Variants in ZFAND6 observed in about 807,000 individuals in gnomAD.
The protein encoded by ZFAND6 is AN1-type zinc finger protein 6.
ZFAND6 carries 12 observed loss-of-function variants against 24.5 expected under a neutral mutation model. The ratio of observed to expected loss-of-function variants is 0.49; its 90% CI spans 0.31 to 0.79. The LOEUF is 0.79. Ranked by LOEUF, ZFAND6 falls within the 30% of genes least tolerant of loss-of-function variation. The probability of loss-of-function intolerance (pLI) is 0.04; values close to 1 mark genes in which losing one functional copy is unlikely to be tolerated. For missense variants in ZFAND6, 207 were observed against 245.9 expected, an observed-to-expected ratio of 0.84 and a Z score of 1.06; for synonymous variants, 92 against 81.5, an observed-to-expected ratio of 1.13 and a Z score of -0.69.
chr15:80,133,070 A>T (rs1307902497), intron 6 of ZFAND6, among the ~76,000 whole-genome samples: 1 of 151,950 alleles, frequency 6.6e-6, no homozygotes, highest in African/African-American at 2.4e-5. Flanking sequence ...TGGGTGCAGG[A>T]TTGCTATAAA....
intron 5 of ZFAND6, among the ~76,000 whole-genome samples, chr15:80,124,654 T>A (rs938060908): frequency 1.3e-5 from 2 of 152,210 alleles, no homozygotes; most frequent in African/African-American, 4.8e-5. Flanking sequence ...CCTGAGTATA[T>A]CACTTCAAAA....
chr15:80,099,170 C>A (rs1261037352), intron 2 of ZFAND6, among the ~76,000 whole-genome samples: 1 of 151,846 alleles, frequency 6.6e-6, no homozygotes, highest in African/African-American at 2.4e-5. Context: ...ATAGAAATGC[C>A]TATGGAAGAA....
At chr15:80,092,980 A>T (rs192975647) in intron 1 of ZFAND6, among the ~76,000 whole-genome samples, 35 of 149,064 alleles carry the variant, frequency 2.3e-4, no homozygotes, top group Admixed American at 2.0e-3. Context: ...TTTGAGACAG[A>T]GTGTCGCTCT....
chr15:80,082,414 A>C (rs890673294), intron 1 of ZFAND6, among the ~76,000 whole-genome samples: 1 of 152,222 alleles, frequency 6.6e-6, no homozygotes, highest in African/African-American at 2.4e-5. Context: ...GGACAAATTG[A>C]CAAAGGTTAT....
intron 2 of ZFAND6, among the ~76,000 whole-genome samples, chr15:80,104,444 G>A (rs558238203): frequency 6.6e-6 from 1 of 152,236 alleles, no homozygotes; most frequent in African/African-American, 2.4e-5. Flanking sequence ...GCTTGATCCT[G>A]GGAGGTAGAG....
At chr15:80,100,721 A>C (rs578079743) in intron 2 of ZFAND6, among the ~76,000 whole-genome samples, 1 of 152,296 alleles carries the variant, frequency 6.6e-6, no homozygotes, top group African/African-American at 2.4e-5. Context: ...AGATTTTTAA[A>C]TGTATTTGAG....
intron 5 of ZFAND6, among the ~76,000 whole-genome samples, chr15:80,127,846 G>C (rs752086296): frequency 3.9e-5 from 6 of 152,044 alleles, no homozygotes; most frequent in Non-Finnish European, 5.9e-5. Flanking sequence ...TCTCCTGATT[G>C]CCAGGAGAAT....
At chr15:80,111,286 T>G (rs2039595843) in intron 2 of ZFAND6, 1 of 322,628 alleles carries the variant, frequency 3.1e-6, no homozygotes, top group Non-Finnish European at 6.2e-6. Flanking sequence ...CATATATCAG[T>G]CATCCCTCAG....
chr15:80,119,066 T>G (rs1039004769), intron 2 of ZFAND6, among the ~76,000 whole-genome samples: 2 of 147,362 alleles, frequency 1.4e-5, no homozygotes, highest in African/African-American at 2.5e-5. Flanking sequence ...CTTAGGAGAT[T>G]GTTGTTTTTT....
chr15:80,103,334 A>G (rs1337141454), intron 2 of ZFAND6, among the ~76,000 whole-genome samples: 1 of 152,204 alleles, frequency 6.6e-6, no homozygotes, highest in Non-Finnish European at 1.5e-5. Flanking sequence ...CACTTACTCT[A>G]ATACATACCT....
chr15:80,136,774 C>T (rs2040884498), intron 6 of ZFAND6, among the ~76,000 whole-genome samples: 1 of 152,174 alleles, frequency 6.6e-6, no homozygotes. Flanking sequence ...TGGCTGCACC[C>T]ATTACATCTC....
intron 4 of ZFAND6, 140 bp from the exon 5 acceptor site, chr15:80,122,560 T>C (rs1596307331): frequency 6.8e-6 from 4 of 584,472 alleles, no homozygotes; most frequent in East Asian, 5.7e-5. Context: ...TCTATGATTA[T>C]GTTTAAGTTA....
chr15:80,091,881 C>A (rs956762636), intron 1 of ZFAND6, among the ~76,000 whole-genome samples: 1 of 152,172 alleles, frequency 6.6e-6, no homozygotes, highest in South Asian at 2.1e-4. Flanking sequence ...CTCAAGCGAT[C>A]CTCTCACCTC....
chr15:80,125,753 CTTAGTCCCTCAGA>C (rs1194000574), intron 5 of ZFAND6, among the ~76,000 whole-genome samples: 1 of 152,202 alleles, frequency 6.6e-6, no homozygotes, highest in Non-Finnish European at 1.5e-5. Context: ...TGGTCAACCT[CTTAGTCCCTCAGA>C]TCTTGGGTCA....
intron 1 of ZFAND6, among the ~76,000 whole-genome samples, chr15:80,093,254 C>A: frequency 6.6e-6 from 1 of 151,956 alleles, no homozygotes. Flanking sequence ...CGTGAGCCAC[C>A]ATGCCCAGGC....
At chr15:80,063,566 T>G (rs904058170) in intron 1 of ZFAND6, among the ~76,000 whole-genome samples, 3 of 151,630 alleles carry the variant, frequency 2.0e-5, no homozygotes, top group African/African-American at 7.3e-5. Flanking sequence ...TAATTTTTTT[T>G]TTTTTTTTTG....
chr15:80,122,398 T>G (rs2040186578), intron 4 of ZFAND6, among the ~76,000 whole-genome samples: 1 of 152,166 alleles, frequency 6.6e-6, no homozygotes, highest in Admixed American at 6.5e-5. Flanking sequence ...CATTTACAGC[T>G]TTGTCTTAGG....
intron 1 of ZFAND6, among the ~76,000 whole-genome samples, chr15:80,061,089 T>C (rs1019886985): frequency 6.6e-6 from 1 of 152,248 alleles, no homozygotes; most frequent in African/African-American, 2.4e-5. Context: ...TTCTGAGTTG[T>C]GTATAGTTTC....
intron 5 of ZFAND6, among the ~76,000 whole-genome samples, chr15:80,126,045 A>G (rs574238213): frequency 6.6e-6 from 1 of 152,336 alleles, no homozygotes; most frequent in African/African-American, 2.4e-5. Context: ...GAATGATGTC[A>G]TATGTTAAGA....
Sources: gnomAD v4.1 joint callset for allele counts (sites outside exome capture counted in the v4.1 genomes callset) on GRCh38, gnomAD v4.1.1 for gene constraint, MANE v1.5 for transcripts, NCBI Gene and HGNC (gene_info 2026-07-23, HGNC 2026-07-21) for gene names.